Variants in MRC1 observed in about 807,000 individuals in gnomAD.
The protein encoded by MRC1 is mannose receptor C-type 1.
MRC1 carries 62 observed loss-of-function variants against 102.9 expected under a neutral mutation model. That is an observed-to-expected ratio of 0.60 (90% CI 0.49 to 0.74). MRC1 has a LOEUF of 0.74. MRC1 is among the 30% of genes least tolerant of loss of function. The pLI, the probability that MRC1 is intolerant of heterozygous loss-of-function variation, is 0.00. For synonymous variants in MRC1, 457 were observed against 298.4 expected, an observed-to-expected ratio of 1.53 and a Z score of -5.48; for missense variants, 1,237 against 862.8, an observed-to-expected ratio of 1.43 and a Z score of -5.43.
intron 10 of MRC1, chr10:17,863,036 T>G (rs1833207072): frequency 6.4e-6 from 1 of 156,710 alleles, no homozygotes; most frequent in Non-Finnish European, 1.4e-5. Context: ...TAATTTTCTC[T>G]TTTGTTTCAG....
intron 28 of MRC1, 43 bp downstream of exon 28, chr10:17,907,741 A>G: frequency 1.3e-6 from 1 of 779,550 alleles, no homozygotes; most frequent in Non-Finnish European, 2.4e-6. Context: ...ACTGGCTGCC[A>G]TTTCTTTCAA....
Position 17,823,715 on chromosome 10 carries a change from A to G in MRC1, c.463+240A>G, listed in dbSNP as rs907102917. 1.6e-3 allele frequency among the ~76,000 whole-genome samples: 239 copies of G among 152,206 alleles called. 6 individuals are homozygous for G. The highest frequency in any genetic ancestry group is 4.7e-4 in the Non-Finnish European group (32 of 68,030). On this transcript the variant is annotated intron_variant, in intron 2 of 29. Coordinates refer to ENST00000569591, the MANE Select transcript of MRC1 (RefSeq NM_002438.4). ...TTACTTAATGGGAAGACATTCTTTT[A>G]ACTTTCTCTGAGGTTTTATTTTTTT...
intron 7 of MRC1, 96 bp downstream of exon 7, chr10:17,849,860 A>T (rs921308995): frequency 5.0e-5 from 31 of 623,546 alleles, no homozygotes; most frequent in Non-Finnish European, 9.1e-5. Flanking sequence ...CATCAAATTT[A>T]ATCAATGTAA....
intron 4 of MRC1, among the ~76,000 whole-genome samples, chr10:17,835,033 A>G (rs1388937101): frequency 6.6e-6 from 1 of 152,210 alleles, no homozygotes. Context: ...CTGACATTCA[A>G]GATTGCCACC....
rs1197311209 is a variant in MRC1, at chr10:17,887,389, TCAAAA to T, written c.3147+1979_3147+1983del. On this transcript the variant is annotated intron_variant, in intron 22 of 29. Coordinates refer to ENST00000569591, the MANE Select transcript of MRC1 (RefSeq NM_002438.4). ...CTGGGCTGCAGAGCGAGACTCCGCC[TCAAAA>T]CAAAACAAAACAAAACAAAACAAAC... 1.8e-3 allele frequency among the ~76,000 whole-genome samples: 272 copies of T among 152,050 alleles called. 2 individuals are homozygous for T. Among genetic ancestry groups the T allele is most frequent in the African/African-American group, 5.5e-3 (227 of 41,484 alleles).
At chr10:17,848,061 G>T (rs1455369967) in intron 6 of MRC1, among the ~76,000 whole-genome samples, 1 of 151,810 alleles carries the variant, frequency 6.6e-6, no homozygotes, top group Admixed American at 6.6e-5. Flanking sequence ...TTGTATGACT[G>T]CAGGGCACAA....
rs1157637486 is a variant in MRC1, at chr10:17,902,043, T to C, written c.3720T>C (p.Pro1240=). The part of the protein sequence containing the change: ...CPESDHTAWI[P]FHGHCYYIES... ...AGTCAGATCACACAGCATGGATTCCTTTCCATGGTCACTGTTACTATATTG... is the reference window on the plus strand; with the variant it reads ...AGTCAGATCACACAGCATGGATTCCCTTCCATGGTCACTGTTACTATATTG... The change falls in exon 26 of 30, where the codon CCT becomes CCC. Residue 1240 remains proline, a synonymous_variant. Coordinates refer to ENST00000569591, the MANE Select transcript of MRC1 (RefSeq NM_002438.4). The C allele has an allele frequency of 3.8e-6, 3 of 780,726 alleles. No individual in the cohort carries two copies. The highest frequency in any genetic ancestry group is 3.4e-5 in the African/African-American group (2 of 59,138). The allele number at this position is 780,726 out of a possible 1,614,324, so 48.4% of individuals were successfully genotyped here. A position where few individuals can be genotyped will look rare whatever the true frequency, so the allele number is the denominator to read the frequency against.
At chr10:17,886,089 A>G (rs1833589216) in intron 22 of MRC1, among the ~76,000 whole-genome samples, 1 of 152,176 alleles carries the variant, frequency 6.6e-6, no homozygotes, top group Non-Finnish European at 1.5e-5. Context: ...ATAAGAAGGA[A>G]GATAGGAAAG....
At chr10:17,860,142 A>G (rs1441539114) in intron 9 of MRC1, among the ~76,000 whole-genome samples, 1 of 152,140 alleles carries the variant, frequency 6.6e-6, no homozygotes, top group Non-Finnish European at 1.5e-5. Context: ...GCCAACAACA[A>G]TTTAATTTGT....
chr10:17,834,333 A>C (rs1838628211), intron 4 of MRC1, among the ~76,000 whole-genome samples: 1 of 152,132 alleles, frequency 6.6e-6, no homozygotes, highest in Non-Finnish European at 1.5e-5. Context: ...TCGAACCCCC[A>C]GGCTCTACCA....
At chr10:17,909,656 G>T (rs1240626806) in intron 29 of MRC1, among the ~76,000 whole-genome samples, 1 of 145,582 alleles carries the variant, frequency 6.9e-6, no homozygotes, top group East Asian at 2.1e-4. Flanking sequence ...TCTTTTCTTA[G>T]AATTTTTTTT....
At chr10:17,901,056 A>T in intron 25 of MRC1, 103 bp downstream of exon 25, 2 of 707,822 alleles carry the variant, frequency 2.8e-6, no homozygotes, top group Non-Finnish European at 5.2e-6. Flanking sequence ...TTGGATAGCT[A>T]AGAATAATAT....
chr10:17,870,810 CA>C (rs1564620995), intron 13 of MRC1, 37 bp from the exon 14 acceptor site: 1 of 871,082 alleles, frequency 1.1e-6, no homozygotes, highest in Non-Finnish European at 2.0e-6. Context: ...TTGCTTCATG[CA>C]ATAGCATATG....
chr10:17,864,519 T>C (rs1197674133), intron 11 of MRC1, among the ~76,000 whole-genome samples: 1 of 152,052 alleles, frequency 6.6e-6, no homozygotes, highest in Non-Finnish European at 1.5e-5. Context: ...CCAGGTAAGC[T>C]TCAGTATCTT....
intron 8 of MRC1, among the ~76,000 whole-genome samples, 181 bp downstream of exon 8, chr10:17,853,305 A>G (rs1184722238): frequency 3.9e-5 from 6 of 152,204 alleles, no homozygotes; most frequent in African/African-American, 1.4e-4. Flanking sequence ...TAGCAAAGTC[A>G]AATTTTCAAG....
intron 6 of MRC1, among the ~76,000 whole-genome samples, chr10:17,847,456 A>T (rs569524445): frequency 2.0e-5 from 3 of 152,190 alleles, no homozygotes; most frequent in Admixed American, 6.5e-5. Flanking sequence ...GAACATCTCT[A>T]TACTCCCTGG....
At chr10:17,810,219 T>C (rs567211123) in intron 1 of MRC1, among the ~76,000 whole-genome samples, 2,759 of 152,294 alleles carry the variant, frequency 0.018, 55 homozygotes, top group African/African-American at 0.044. Flanking sequence ...CAGTCTGTCT[T>C]TTCTATTTCT....
chr10:17,893,174 T>A (rs1430255011), intron 22 of MRC1, among the ~76,000 whole-genome samples: 4 of 134,866 alleles, frequency 3.0e-5, no homozygotes, highest in Non-Finnish European at 6.3e-5. Flanking sequence ...CCTTCCTTCC[T>A]TCCCAAGGTC....
At chr10:17,827,232 C>G (rs868973416) in intron 2 of MRC1, among the ~76,000 whole-genome samples, 3,127 of 151,654 alleles carry the variant, frequency 0.021, 57 homozygotes, top group Middle Eastern at 0.085. Flanking sequence ...TCAAATGGTA[C>G]AACTTAACAA....
Sources: allele counts gnomAD v4.1 joint callset (sites outside exome capture counted in the v4.1 genomes callset), GRCh38; gene constraint gnomAD v4.1.1; transcripts MANE v1.5; gene names NCBI Gene and HGNC (gene_info 2026-07-23, HGNC 2026-07-21).